ALG9: variants seen among roughly 807,000 people sequenced by gnomAD.
ALG9 encodes ALG9 alpha-1,2-mannosyltransferase.
In ALG9, 55 loss-of-function variants were observed where a neutral mutation model predicts 81.8. The ratio of observed to expected loss-of-function variants is 0.67; its 90% CI spans 0.54 to 0.84. ALG9 has a LOEUF of 0.84. Ranked by LOEUF, ALG9 falls within the 40% of genes least tolerant of loss-of-function variation. The probability of loss-of-function intolerance (pLI) is 0.00; values close to 1 mark genes in which losing one functional copy is unlikely to be tolerated. For missense variants in ALG9, 629 were observed against 745.0 expected (o/e 0.84, Z 1.81); for synonymous variants, 278 against 274.3 (o/e 1.01, Z -0.13).
rs142981785 is a variant in ALG9, at chr11:111,792,268, TTCTAGGGGC to T, written c.1734-5757_1734-5749del. Among the ~76,000 whole-genome samples the T allele has an allele frequency of 8.4e-3, 1,280 of 152,356 alleles. 12 individuals are homozygous for T. The highest frequency in any genetic ancestry group is 0.014 in the Non-Finnish European group (974 of 68,040). ...CCCTCCCCCACAAAACACACCCACA[TTCTAGGGGC>T]CATGTCTGTTTTATCTGCCAACATG... On this transcript the variant is annotated intron_variant, in intron 14 of 14. Transcript: ENST00000616540.
chr11:111,861,025 G>A (rs985960481), intron 4 of ALG9, among the ~76,000 whole-genome samples: 4 of 152,126 alleles, frequency 2.6e-5, no homozygotes, highest in Admixed American at 6.5e-5. Context: ...ATAAAATAAT[G>A]ATAATAATAC....
chr11:111,800,727 T>G (rs1385573221), intron 14 of ALG9, among the ~76,000 whole-genome samples: 4 of 152,172 alleles, frequency 2.6e-5, no homozygotes, highest in Admixed American at 2.6e-4. Flanking sequence ...AAGGTCAGCC[T>G]CACCATTGTA....
chr11:111,852,576 C>A (rs928468443), intron 8 of ALG9, among the ~76,000 whole-genome samples: 1 of 152,200 alleles, frequency 6.6e-6, no homozygotes, highest in Admixed American at 6.5e-5. Context: ...ACTTTCTCCC[C>A]AAATGCTGGA....
intron 5 of ALG9, 63 bp downstream of exon 5, chr11:111,860,484 C>T (rs1566202052): frequency 7.4e-7 from 1 of 1,349,994 alleles, no homozygotes; most frequent in Admixed American, 1.7e-5. Context: ...CTGCAATTCC[C>T]TCATCTGCCC....
downstream of ALG9, among the ~76,000 whole-genome samples, chr11:111,777,483 T>C (rs1306196122): frequency 6.6e-6 from 1 of 152,116 alleles, no homozygotes; most frequent in African/African-American, 2.4e-5. Flanking sequence ...TGCTGGACAT[T>C]AGGGAAGACT....
At chr11:111,859,954 A>C (rs1446908337) in intron 5 of ALG9, among the ~76,000 whole-genome samples, 1 of 152,116 alleles carries the variant, frequency 6.6e-6, no homozygotes, top group Non-Finnish European at 1.5e-5. Context: ...CTTATACAAC[A>C]CAAATGTTCA....
At chr11:111,866,750 C>A (rs1379783581) in intron 3 of ALG9, among the ~76,000 whole-genome samples, 1 of 151,376 alleles carries the variant, frequency 6.6e-6, no homozygotes, top group African/African-American at 2.4e-5. Context: ...TAGTTTTCTG[C>A]TGAGCCCTTC....
chr11:111,866,252 G>A (rs1481132644), intron 3 of ALG9, among the ~76,000 whole-genome samples: 2 of 152,112 alleles, frequency 1.3e-5, no homozygotes, highest in African/African-American at 2.4e-5. Context: ...AGCCGAGATC[G>A]TGCCACTGCA....
At chr11:111,797,110 C>T (rs1164247180) in intron 14 of ALG9, among the ~76,000 whole-genome samples, 4 of 152,204 alleles carry the variant, frequency 2.6e-5, no homozygotes, top group Admixed American at 6.5e-5. Context: ...TAAGTAGTGG[C>T]TTTAAAGCAT....
downstream of ALG9, chr11:111,778,187 A>G (rs782252648): frequency 4.6e-5 from 7 of 152,158 alleles, no homozygotes; most frequent in Non-Finnish European, 1.0e-4. Flanking sequence ...TGAGCAGGCC[A>G]AGTAGTGTCA....
intron 6 of ALG9, among the ~76,000 whole-genome samples, chr11:111,855,005 T>A (rs1958437779): frequency 6.6e-6 from 1 of 152,156 alleles, no homozygotes; most frequent in African/African-American, 2.4e-5. Context: ...TGAAATTCAA[T>A]GTAGATGAAA....
At chr11:111,841,966 G>A (rs782597154) in intron 9 of ALG9, among the ~76,000 whole-genome samples, 1 of 152,022 alleles carries the variant, frequency 6.6e-6, no homozygotes, top group Admixed American at 6.6e-5. Context: ...GCACAATCTC[G>A]GCTCACTGCA....
chr11:111,774,632 T>G, the ALG9 span, among the ~76,000 whole-genome samples: 2 of 152,332 alleles, frequency 1.3e-5, no homozygotes, highest in East Asian at 3.9e-4. Context: ...TTACTTAAAT[T>G]TCACCCATTT....
intron 13 of ALG9, among the ~76,000 whole-genome samples, chr11:111,815,462 T>C (rs1951344124): frequency 6.6e-6 from 1 of 152,088 alleles, no homozygotes; most frequent in Non-Finnish European, 1.5e-5. Flanking sequence ...GGATAATCCA[T>C]TAGAAAAACT....
chr11:111,865,895 A>T (rs1441665153), intron 3 of ALG9, among the ~76,000 whole-genome samples: 2 of 152,224 alleles, frequency 1.3e-5, no homozygotes, highest in Non-Finnish European at 1.5e-5. Flanking sequence ...ACATCAATTT[A>T]AAAAATAAAA....
chr11:111,772,303 G>A, the ALG9 span, among the ~76,000 whole-genome samples: 2 of 151,908 alleles, frequency 1.3e-5, no homozygotes, highest in African/African-American at 4.8e-5. Flanking sequence ...GTGCCTGACT[G>A]TAGTACCAGT....
chr11:111,866,865 G>A (rs1480739808), intron 3 of ALG9, among the ~76,000 whole-genome samples: 1 of 151,480 alleles, frequency 6.6e-6, no homozygotes, highest in Non-Finnish European at 1.5e-5. Flanking sequence ...GGCCAAGGCA[G>A]GTGGATCACT....
chr11:111,870,146 C>G (rs782554006), intron 2 of ALG9, 86 bp downstream of exon 2: 5 of 1,403,586 alleles, frequency 3.6e-6, no homozygotes, highest in Non-Finnish European at 4.8e-6. Context: ...AGGAGTCACA[C>G]TTGTATATTA....
At chr11:111,795,360 G>A (rs1044678522) in intron 14 of ALG9, among the ~76,000 whole-genome samples, 2 of 152,194 alleles carry the variant, frequency 1.3e-5, no homozygotes, top group Non-Finnish European at 2.9e-5. Flanking sequence ...GTGGGGCAGA[G>A]CAAAGCAGAA....
Sources: gnomAD v4.1 joint callset for allele counts (sites outside exome capture counted in the v4.1 genomes callset) on GRCh38, gnomAD v4.1.1 for gene constraint, MANE v1.5 for transcripts, NCBI Gene and HGNC (gene_info 2026-07-23, HGNC 2026-07-21) for gene names.